Variants in SEL1L observed in about 807,000 individuals in gnomAD.
SEL1L encodes the protein protein sel-1 homolog 1.
SEL1L carries 52 observed loss-of-function variants against 109.8 expected under a neutral mutation model. That is an observed-to-expected ratio of 0.47 (90% CI 0.38 to 0.60). The LOEUF is 0.60. Among genes scored for constraint, SEL1L ranks in the 20% least tolerant of loss-of-function variants. The pLI is 0.00. For synonymous variants in SEL1L, 373 were observed against 339.6 expected, an observed-to-expected ratio of 1.10 and a Z score of -1.08; for missense variants, 749 against 962.2, an observed-to-expected ratio of 0.78 and a Z score of 2.93.
intron 19 of SEL1L, among the ~76,000 whole-genome samples, chr14:81,480,771 T>A (rs1237362885): frequency 6.6e-6 from 1 of 152,322 alleles, no homozygotes; most frequent in East Asian, 1.9e-4. Context: ...GTTAAGGGAC[T>A]CGATTCTGCA....
intron 3 of SEL1L, among the ~76,000 whole-genome samples, chr14:81,521,782 ACTC>A (rs1884915575): frequency 6.6e-6 from 1 of 152,038 alleles, no homozygotes. Flanking sequence ...TTTAGCATGT[ACTC>A]CTACTTATTA....
chr14:81,502,330 T>C (rs1237491767), intron 6 of SEL1L, among the ~76,000 whole-genome samples: 1 of 152,214 alleles, frequency 6.6e-6, no homozygotes, highest in Non-Finnish European at 1.5e-5. Context: ...TTTCCTATAA[T>C]GGACATGTAC....
chr14:81,529,607 A>G (rs947105274), intron 1 of SEL1L, among the ~76,000 whole-genome samples: 30 of 152,226 alleles, frequency 2.0e-4, no homozygotes, highest in Admixed American at 1.7e-3. Context: ...TCCAAGAAAC[A>G]TGATTTGTAA....
At chr14:81,496,148 C>G (rs921252452) in intron 10 of SEL1L, among the ~76,000 whole-genome samples, 2 of 151,676 alleles carry the variant, frequency 1.3e-5, no homozygotes, top group Non-Finnish European at 2.9e-5. Context: ...ATGGTGAAAC[C>G]CTGTCTCTAC....
intron 3 of SEL1L, among the ~76,000 whole-genome samples, chr14:81,519,026 T>G (rs1884813238): frequency 6.6e-6 from 1 of 152,152 alleles, no homozygotes; most frequent in Non-Finnish European, 1.5e-5. Context: ...CAGATAAGAG[T>G]GGCTCACCCA....
At position 81,526,723 on chromosome 14, in the gene SEL1L, T is replaced by C. The variant is rs765083720; in HGVS notation, c.340+10A>G. ...AATAAATCAAAAAGCAAGGAAAATGTCCAGACTACCTGGTTTCCGTACTTT... is the reference window on the plus strand; with the variant it reads ...AATAAATCAAAAAGCAAGGAAAATGCCCAGACTACCTGGTTTCCGTACTTT... On this transcript the variant is annotated intron_variant, in intron 3 of 20. Coordinates refer to ENST00000336735, the MANE Select transcript of SEL1L (RefSeq NM_005065.6). 16 of 1,606,090 alleles carry C rather than the reference T, an allele frequency of 1.0e-5. No individual in the cohort carries two copies. In the South Asian group the frequency reaches 1.8e-4, roughly 18 times the overall value.
rs1885123138 is a variant in SEL1L at position 81,526,605 on chromosome 14, T to A, written c.340+128A>T. The A allele has an allele frequency of 5.5e-6, 4 of 725,122 alleles. No homozygotes were observed. In the East Asian group the frequency reaches 1.0e-4, roughly 19 times the overall value. The allele number at this position is 725,122 out of a possible 1,614,324, so 44.9% of individuals were successfully genotyped here. A position where few individuals can be genotyped will look rare whatever the true frequency, so the allele number is the denominator to read the frequency against. ...TAAAATCTAGAAATTCTCTCCAAAC[T>A]ACACTCCATATATTATTTGTGGGTA... On this transcript the variant is annotated intron_variant, in intron 3 of 20. Transcript: ENST00000336735.
At chr14:81,507,661 TAAAA>T (rs5810039) in intron 3 of SEL1L, among the ~76,000 whole-genome samples, 2 of 145,998 alleles carry the variant, frequency 1.4e-5, no homozygotes, top group Non-Finnish European at 1.5e-5. Flanking sequence ...CAGTTACAGC[TAAAA>T]AAAAAAAAAA....
chr14:81,533,582 G>T, intron 1 of SEL1L, 93 bp downstream of exon 1: 1 of 1,210,742 alleles, frequency 8.3e-7, no homozygotes, highest in Non-Finnish European at 1.2e-6. Flanking sequence ...AGGGAGAACG[G>T]GGTCCCGAGC....
rs1595496465 is a variant in SEL1L at position 81,472,870 on chromosome 14, A to G, written c.*4102T>C. The G allele has an allele frequency of 4.1e-6, 1 of 241,094 alleles. No individual in the cohort carries two copies. The highest frequency in any genetic ancestry group is 8.3e-6 in the Non-Finnish European group (1 of 121,206). The allele number at this position is 241,094 out of a possible 1,614,324, so 14.9% of individuals were successfully genotyped here. On this transcript the variant is annotated 3_prime_UTR_variant, in exon 21 of 21. Coordinates refer to ENST00000336735, the MANE Select transcript of SEL1L (RefSeq NM_005065.6). Reference sequence around the variant, plus strand: ...AAAAATTGAATCATTCAGCTTAAAAAAAGTCTGTCTGGAAAGGTGCTTGGT... The same window carrying G: ...AAAAATTGAATCATTCAGCTTAAAAGAAGTCTGTCTGGAAAGGTGCTTGGT...
chr14:81,515,030 G>A (rs1174754445), intron 3 of SEL1L, among the ~76,000 whole-genome samples: 1 of 152,240 alleles, frequency 6.6e-6, no homozygotes, highest in Admixed American at 6.5e-5. Flanking sequence ...CATCCCACAG[G>A]AGGACCTCTT....
chr14:81,486,365 T>C lies in SEL1L; in HGVS notation c.1722A>G (p.Ala574=), dbSNP rs760269379. 10 of 1,614,196 alleles carry C rather than the reference T, an allele frequency of 6.2e-6. No individual in the cohort carries two copies. The Middle Eastern group carries it at 4.9e-4, about 80-fold the overall frequency. The change falls in exon 17 of 21, where the codon GCA becomes GCG. Residue 574 remains alanine (A), a synonymous_variant. Transcript: ENST00000336735. ...CAGCCAGGAGGAGGTACTGGATCACTGCAGCATTGTAATCGCCATCTTTAT... is the reference window on the plus strand; with the variant it reads ...CAGCCAGGAGGAGGTACTGGATCACCGCAGCATTGTAATCGCCATCTTTAT... The part of the protein sequence containing the change: ...NSYKDGDYNA[A]VIQYLLLAEQ...
chr14:81,532,318 C>T (rs1458172348), intron 1 of SEL1L, among the ~76,000 whole-genome samples: 1 of 152,192 alleles, frequency 6.6e-6, no homozygotes, highest in Non-Finnish European at 1.5e-5. Context: ...AGACCTAAAA[C>T]CCAATGTTTA....
At chr14:81,527,027 C>T in intron 2 of SEL1L, 63 bp from the exon 3 acceptor site, 3 of 1,224,964 alleles carry the variant, frequency 2.4e-6, no homozygotes, top group Non-Finnish European at 3.6e-6. Flanking sequence ...CCTATTTGAC[C>T]GTTATTTTTA....
At chr14:81,477,312 T>C in intron 20 of SEL1L, 131 bp from the exon 21 acceptor site, 1 of 621,806 alleles carries the variant, frequency 1.6e-6, no homozygotes, top group Non-Finnish European at 2.8e-6. Context: ...AATGTGTGTG[T>C]GTGTGTGTGT....
Position 81,472,547 on chromosome 14 carries a change from G to A in SEL1L, c.*4425C>T, listed in dbSNP as rs753347267. On this transcript the variant is annotated 3_prime_UTR_variant, in exon 21 of 21. Transcript: ENST00000336735. ...ATATTTAGTCTAAATGTTACTGTGT[G>A]GTACGTGTCTCTGCAAGTCCTCTTA... The A allele has an allele frequency of 1.1e-5, 5 of 441,568 alleles. No homozygotes were observed. The highest frequency in any genetic ancestry group is 2.2e-5 in the Non-Finnish European group (5 of 224,672). 27.4% of individuals were successfully genotyped at this position (441,568 alleles called of 1,614,324 possible).
intron 20 of SEL1L, among the ~76,000 whole-genome samples, chr14:81,477,870 A>G (rs1326178846): frequency 6.6e-6 from 1 of 152,212 alleles, no homozygotes; most frequent in East Asian, 1.9e-4. Flanking sequence ...GTATCTTGGC[A>G]CAGCGAACCT....
At chr14:81,501,449 T>C (rs1033916650) in intron 6 of SEL1L, among the ~76,000 whole-genome samples, 2 of 152,164 alleles carry the variant, frequency 1.3e-5, no homozygotes, top group Non-Finnish European at 2.9e-5. Context: ...TGTTTTTATA[T>C]AAACTGATTC....
At chr14:81,508,155 G>GA (rs1220884646) in intron 3 of SEL1L, among the ~76,000 whole-genome samples, 1 of 151,894 alleles carries the variant, frequency 6.6e-6, no homozygotes, top group Non-Finnish European at 1.5e-5. Flanking sequence ...TTTCCAGTGT[G>GA]AAAAAAGACA....
Sources: gnomAD v4.1 joint callset for allele counts (sites outside exome capture counted in the v4.1 genomes callset) on GRCh38, gnomAD v4.1.1 for gene constraint, MANE v1.5 for transcripts, NCBI Gene and HGNC (gene_info 2026-07-23, HGNC 2026-07-21) for gene names.